WDPCP: variants seen among roughly 807,000 people sequenced by gnomAD.
The protein encoded by WDPCP is WD repeat-containing and planar cell polarity effector protein fritz homolog.
Under a neutral mutation model 93.1 loss-of-function variants are expected in WDPCP, and 71 were observed. That is an observed-to-expected ratio of 0.76 (90% confidence interval 0.63 to 0.93). The LOEUF (loss-of-function observed/expected upper bound fraction) is 0.93, where lower values mean the gene tolerates loss of function less well. WDPCP is among the 40% of genes least tolerant of loss of function. WDPCP has a pLI of 0.00. For missense variants in WDPCP, 844 were observed against 887.4 expected, an observed-to-expected ratio of 0.95 and a Z score of 0.62; for synonymous variants, 315 against 315.0, an observed-to-expected ratio of 1.00 and a Z score of 0.00.
chr2:63,500,118 A>C (rs1701451607), intron 1 of WDPCP, among the ~76,000 whole-genome samples: 1 of 152,150 alleles, frequency 6.6e-6, no homozygotes, highest in African/African-American at 2.4e-5. Context: ...CAAGGGCAGG[A>C]CTTGGATTGA....
At chr2:63,197,293 C>CT (rs1675515678) in intron 14 of WDPCP, among the ~76,000 whole-genome samples, 1 of 152,020 alleles carries the variant, frequency 6.6e-6, no homozygotes. Flanking sequence ...CTAGCTTACT[C>CT]TATTGTAAGA....
chr2:63,327,961 T>C (rs1386618463), intron 12 of WDPCP, among the ~76,000 whole-genome samples: 1 of 151,942 alleles, frequency 6.6e-6, no homozygotes, highest in Non-Finnish European at 1.5e-5. Context: ...AACTGCAGGG[T>C]CCCTTCTTCG....
At chr2:63,224,146 C>T (rs969702663) in intron 14 of WDPCP, among the ~76,000 whole-genome samples, 3 of 151,978 alleles carry the variant, frequency 2.0e-5, no homozygotes, top group Non-Finnish European at 4.4e-5. Flanking sequence ...AGATACGCCA[C>T]ATCATATGTC....
At chr2:63,378,914 C>T (rs1457331991) in intron 11 of WDPCP, among the ~76,000 whole-genome samples, 7 of 152,044 alleles carry the variant, frequency 4.6e-5, no homozygotes, top group South Asian at 2.1e-4. Flanking sequence ...GAACTGAAAT[C>T]GATATAGCAG....
chr2:63,189,272 C>T (rs144067177), intron 14 of WDPCP, among the ~76,000 whole-genome samples: 47 of 152,308 alleles, frequency 3.1e-4, no homozygotes, highest in Non-Finnish European at 5.4e-4. Context: ...CTGCAACCCA[C>T]AAACAAGTTA....
intron 2 of WDPCP, among the ~76,000 whole-genome samples, chr2:63,712,566 A>G (rs562197719): frequency 6.6e-6 from 1 of 152,316 alleles, no homozygotes; most frequent in Admixed American, 6.5e-5. Context: ...TATGAACTAC[A>G]TCTTCCTGAA....
Position 63,576,205 on chromosome 2 carries a change from C to T in WDPCP, c.75+11992G>A, listed in dbSNP as rs145016178. On this transcript the variant is annotated intron_variant, in intron 1 of 17. Coordinates refer to ENST00000272321, the MANE Select transcript of WDPCP (RefSeq NM_015910.7). ...TACCTAGAGATAACATCGGATCCCACAGGTAACGACTCAGTCCCACAAGAC... is the reference window on the plus strand; with the variant it reads ...TACCTAGAGATAACATCGGATCCCATAGGTAACGACTCAGTCCCACAAGAC... 1.4e-3 allele frequency among the ~76,000 whole-genome samples: 215 copies of T among 152,246 alleles called. 1 individual carries two copies. In the Middle Eastern group the frequency reaches 0.031, roughly 22 times the overall value.
chr2:63,763,775 C>G (rs1363387354), intron 2 of WDPCP, among the ~76,000 whole-genome samples: 1 of 151,982 alleles, frequency 6.6e-6, no homozygotes, highest in Middle Eastern at 3.2e-3. Context: ...TTTATTTGTG[C>G]CAAAAAATTG....
intron 2 of WDPCP, among the ~76,000 whole-genome samples, chr2:63,710,495 T>G (rs1453382566): frequency 6.6e-6 from 1 of 152,222 alleles, no homozygotes; most frequent in Admixed American, 6.5e-5. Flanking sequence ...GTGCCTTGAC[T>G]ACTCTCAATT....
At chr2:63,416,052 A>C (rs1371838869) in intron 9 of WDPCP, among the ~76,000 whole-genome samples, 6 of 152,238 alleles carry the variant, frequency 3.9e-5, no homozygotes, top group Non-Finnish European at 1.5e-5. Flanking sequence ...AAAAATTCCT[A>C]AAATGAACCA....
intron 13 of WDPCP, among the ~76,000 whole-genome samples, chr2:63,263,764 G>T (rs760116972): frequency 1.3e-5 from 2 of 152,134 alleles, no homozygotes; most frequent in Non-Finnish European, 2.9e-5. Context: ...AATGGACATG[G>T]AGTAAAGCTC....
chr2:63,619,269 G>T (rs777182560), intron 3 of WDPCP, among the ~76,000 whole-genome samples: 1 of 152,162 alleles, frequency 6.6e-6, no homozygotes, highest in African/African-American at 2.4e-5. Context: ...GATCATCAGA[G>T]AAAATTATCC....
intron 3 of WDPCP, among the ~76,000 whole-genome samples, chr2:63,598,452 A>C (rs1183041168): frequency 6.6e-6 from 1 of 152,170 alleles, no homozygotes; most frequent in Non-Finnish European, 1.5e-5. Context: ...TTAGTGAACT[A>C]TCAATTAACT....
chr2:63,431,554 GAA>G (rs140153126), intron 9 of WDPCP, among the ~76,000 whole-genome samples: 12 of 136,986 alleles, frequency 8.8e-5, no homozygotes, highest in East Asian at 4.3e-4. Flanking sequence ...GGCTGCTACT[GAA>G]AAAAAAAAAA....
intron 14 of WDPCP, among the ~76,000 whole-genome samples, chr2:63,184,638 T>A (rs1006478547): frequency 6.6e-6 from 1 of 152,180 alleles, no homozygotes; most frequent in South Asian, 2.1e-4. Context: ...CTCTTGCTGA[T>A]TTTAGGATTT....
At chr2:63,622,165 G>A (rs1709747815) in intron 3 of WDPCP, 1 of 1,580,524 alleles carries the variant, frequency 6.3e-7, no homozygotes, top group South Asian at 1.2e-5. Context: ...CTGTGGTGGT[G>A]GTGGGCTGGC....
intron 15 of WDPCP, among the ~76,000 whole-genome samples, chr2:63,160,267 A>G (rs1315218109): frequency 6.6e-6 from 1 of 152,194 alleles, no homozygotes; most frequent in Non-Finnish European, 1.5e-5. Context: ...TCTGTTATTT[A>G]GATATACTGT....
intron 9 of WDPCP, among the ~76,000 whole-genome samples, chr2:63,421,986 T>G (rs1289707607): frequency 1.3e-5 from 2 of 152,226 alleles, no homozygotes; most frequent in African/African-American, 4.8e-5. Flanking sequence ...ATTTGAGTTG[T>G]AAGTGTTGGC....
At chr2:63,456,078 G>A (rs918604464) in intron 6 of WDPCP, among the ~76,000 whole-genome samples, 1 of 152,090 alleles carries the variant, frequency 6.6e-6, no homozygotes, top group African/African-American at 2.4e-5. Flanking sequence ...ACAACCATTG[G>A]ATCAATAAAG....
Sources: gnomAD v4.1 joint callset for allele counts (sites outside exome capture counted in the v4.1 genomes callset) on GRCh38, gnomAD v4.1.1 for gene constraint, MANE v1.5 for transcripts, NCBI Gene and HGNC (gene_info 2026-07-23, HGNC 2026-07-21) for gene names.